The following NRXN3 variants were observed in gnomAD, a reference collection of about 807,000 sequenced individuals.
NRXN3 encodes neurexin III.
NRXN3 carries 32 observed loss-of-function variants against 137.6 expected under a neutral mutation model. That is an observed-to-expected ratio of 0.23 (90% CI 0.18 to 0.31). The LOEUF is 0.31. Ranked by LOEUF, NRXN3 falls within the 10% of genes least tolerant of loss-of-function variation. The pLI is 1.00. For synonymous variants in NRXN3, 798 were observed against 784.5 expected (o/e 1.02, Z -0.29); for missense variants, 1,574 against 2,062.5 (o/e 0.76, Z 4.59).
intron 2 of NRXN3, among the ~76,000 whole-genome samples, chr14:78,264,241 C>T (rs1417241805): frequency 2.6e-5 from 4 of 152,126 alleles, no homozygotes; most frequent in Non-Finnish European, 4.4e-5. Flanking sequence ...ATGAGCTTGA[C>T]GTTGTGCCTT....
At chr14:79,652,534 T>C (rs1294688328) in intron 16 of NRXN3, among the ~76,000 whole-genome samples, 1 of 152,172 alleles carries the variant, frequency 6.6e-6, no homozygotes, top group Non-Finnish European at 1.5e-5. Flanking sequence ...ACTCACTTTA[T>C]ACTTTGGTAG....
At chr14:79,080,858 G>A (rs2046849565) in intron 15 of NRXN3, among the ~76,000 whole-genome samples, 1 of 152,122 alleles carries the variant, frequency 6.6e-6, no homozygotes, top group Admixed American at 6.6e-5. Context: ...GGAATTTCCT[G>A]ATTGATGAAG....
chr14:79,810,532 A>G (rs1017954109), intron 20 of NRXN3, among the ~76,000 whole-genome samples: 1 of 152,208 alleles, frequency 6.6e-6, no homozygotes, highest in Non-Finnish European at 1.5e-5. Context: ...GTTCTCAGGT[A>G]TATTTTTACT....
intron 8 of NRXN3, among the ~76,000 whole-genome samples, chr14:78,752,831 C>T (rs917011570): frequency 6.6e-6 from 1 of 152,108 alleles, no homozygotes; most frequent in African/African-American, 2.4e-5. Flanking sequence ...GGTTGTAAGC[C>T]TGGTCATTAG....
At chr14:79,159,966 A>G (rs762813331) in intron 15 of NRXN3, among the ~76,000 whole-genome samples, 2 of 151,890 alleles carry the variant, frequency 1.3e-5, no homozygotes, top group Admixed American at 6.6e-5. Context: ...CTAAATCTCA[A>G]TGGAAATTGA....
intron 15 of NRXN3, among the ~76,000 whole-genome samples, chr14:79,095,364 T>C (rs535293031): frequency 4.6e-5 from 7 of 152,340 alleles, no homozygotes; most frequent in African/African-American, 1.7e-4. Flanking sequence ...TTAGCTATGC[T>C]TTTCCCTTCT....
rs1231469210 is a variant in NRXN3, at chr14:79,385,266, G to T, written c.3263-81955G>T. Among the ~76,000 whole-genome samples the T allele has an allele frequency of 2.2e-5, 3 of 135,594 alleles. No homozygotes were observed. In the East Asian group the frequency reaches 6.3e-4, roughly 28 times the overall value. The allele number at this position is 135,594 out of a possible 152,430, so 89.0% of individuals were successfully genotyped here. ...GATATTCCCCTTCCTGTGTCCATGT[G>T]ATCTCATTGTTCAATTCCCACCTAT... On this transcript the variant is annotated intron_variant, in intron 15 of 20. Coordinates refer to ENST00000335750, the MANE Select transcript of NRXN3 (RefSeq NM_001330195.2).
intron 14 of NRXN3, among the ~76,000 whole-genome samples, chr14:78,971,884 C>A (rs2099442442): frequency 6.6e-6 from 1 of 152,150 alleles, no homozygotes; most frequent in Non-Finnish European, 1.5e-5. Flanking sequence ...GATCCACCCA[C>A]CTCGGCCTCC....
intron 19 of NRXN3, among the ~76,000 whole-genome samples, chr14:79,779,535 G>A (rs1427255248): frequency 6.6e-6 from 1 of 152,016 alleles, no homozygotes; most frequent in African/African-American, 2.4e-5. Context: ...GGACTTTGGG[G>A]GTTTTGTTTA....
chr14:79,243,899 A>G (rs1367762415), intron 15 of NRXN3, among the ~76,000 whole-genome samples: 1 of 152,146 alleles, frequency 6.6e-6, no homozygotes, highest in African/African-American at 2.4e-5. Context: ...AGTGACAAAA[A>G]AAATCTGAAC....
At chr14:78,332,616 T>C (rs565133072) in intron 4 of NRXN3, among the ~76,000 whole-genome samples, 5 of 152,132 alleles carry the variant, frequency 3.3e-5, no homozygotes, top group African/African-American at 1.2e-4. Context: ...ACCCAGCCTG[T>C]ACCATATTTT....
intron 15 of NRXN3, among the ~76,000 whole-genome samples, chr14:79,026,381 T>A (rs765371624): frequency 1.3e-5 from 2 of 152,130 alleles, no homozygotes; most frequent in Non-Finnish European, 2.9e-5. Flanking sequence ...ACACTGCCTC[T>A]TAGAGTTACT....
intron 15 of NRXN3, among the ~76,000 whole-genome samples, chr14:79,284,097 A>C (rs1381471837): frequency 6.6e-6 from 1 of 151,760 alleles, no homozygotes; most frequent in Non-Finnish European, 1.5e-5. Flanking sequence ...ACAGATATAT[A>C]AATAGTAAAA....
chr14:78,819,301 G>A (rs1007187031), intron 10 of NRXN3, among the ~76,000 whole-genome samples: 2 of 151,910 alleles, frequency 1.3e-5, no homozygotes, highest in African/African-American at 4.8e-5. Flanking sequence ...TGCTGGTTCT[G>A]CATCTGCAGA....
intron 15 of NRXN3, among the ~76,000 whole-genome samples, chr14:79,185,440 A>G (rs1228818581): frequency 6.6e-6 from 1 of 151,076 alleles, no homozygotes; most frequent in Non-Finnish European, 1.5e-5. Flanking sequence ...CTATTTCCAT[A>G]TGATTTGAGC....
In NRXN3 at chr14:78,976,555, T is replaced by G. The variant is rs79886512; in HGVS notation, c.3142+8209T>G. Among the ~76,000 whole-genome samples the G allele has an allele frequency of 2.4e-4, 36 of 152,334 alleles. No homozygotes were observed. In the East Asian group the frequency reaches 5.8e-3, roughly 24 times the overall value. On this transcript the variant is annotated intron_variant, in intron 14 of 20. Transcript: ENST00000335750. The stretch of plus-strand genomic sequence containing the variant: ...ACTGTCTTTACTATGATGAATATTG[T>G]CCTCCACCTCATTTTCTCCGAAACT...
intron 10 of NRXN3, among the ~76,000 whole-genome samples, chr14:78,900,293 C>T (rs551822152): frequency 2.6e-5 from 4 of 151,982 alleles, no homozygotes; most frequent in African/African-American, 9.6e-5. Context: ...AAAATGCCTG[C>T]GTTTGAAGCC....
intron 10 of NRXN3, among the ~76,000 whole-genome samples, chr14:78,894,426 C>G (rs953807618): frequency 6.6e-6 from 1 of 151,916 alleles, no homozygotes; most frequent in African/African-American, 2.4e-5. Flanking sequence ...CCAGTTTTAT[C>G]ATGAGATGGC....
At chr14:78,487,308 G>A (rs2095576955) in intron 4 of NRXN3, among the ~76,000 whole-genome samples, 1 of 152,170 alleles carries the variant, frequency 6.6e-6, no homozygotes, top group Non-Finnish European at 1.5e-5. Flanking sequence ...CAACTCTGGA[G>A]GAGGCCAGGG....
Sources: allele counts gnomAD v4.1 joint callset (sites outside exome capture counted in the v4.1 genomes callset), GRCh38; gene constraint gnomAD v4.1.1; transcripts MANE v1.5; gene names NCBI Gene and HGNC (gene_info 2026-07-23, HGNC 2026-07-21).